Variants in RBM5 observed in about 807,000 individuals in gnomAD.
RBM5 encodes the protein RNA binding motif protein 5, also known as RNA-binding protein 5.
In RBM5, 15 loss-of-function variants were observed where a neutral mutation model predicts 124.6. The ratio of observed to expected loss-of-function variants is 0.12; its 90% CI spans 0.08 to 0.19. The LOEUF (loss-of-function observed/expected upper bound fraction) is 0.19, where lower values mean the gene tolerates loss of function less well. Among genes scored for constraint, RBM5 ranks in the 10% least tolerant of loss-of-function variants. The probability of loss-of-function intolerance (pLI) is 1.00; values close to 1 mark genes in which losing one functional copy is unlikely to be tolerated. For synonymous variants in RBM5, 337 were observed against 361.2 expected (o/e 0.93, Z 0.76); for missense variants, 580 against 1,026.5 (o/e 0.57, Z 5.94).
chr3:50,110,977 C>A (rs966444198), intron 17 of RBM5: 5 of 532,438 alleles, frequency 9.4e-6, no homozygotes, highest in African/African-American at 5.8e-5. Flanking sequence ...AATATACACA[C>A]AAAAAAATAC....
intron 8 of RBM5, chr3:50,104,845 G>T: frequency 2.3e-6 from 1 of 436,830 alleles, no homozygotes; most frequent in Non-Finnish European, 4.1e-6. Flanking sequence ...TTTGCATTCT[G>T]CATCTGCCTT....
rs1318977091 is a variant in RBM5, at chr3:50,100,632, T to G, written c.483+27T>G. The G allele has an allele frequency of 1.3e-6, 2 of 1,549,178 alleles. No individual in the cohort carries two copies. The highest frequency in any genetic ancestry group is 2.7e-5 in the African/African-American group (2 of 73,386). ...TTGCTTCACTCACCAAGTCTAGATA[T>G]TCATGAAAATGGAACAAGTCTGTAC... On this transcript the variant is annotated intron_variant, in intron 6 of 24. Coordinates refer to ENST00000347869, the MANE Select transcript of RBM5 (RefSeq NM_005778.4). The surrounding 1 kb of genome is among the most constrained non-coding windows in gnomAD (Gnocchi z 5.1).
At chr3:50,106,291 C>A (rs1204722170) in intron 10 of RBM5, among the ~76,000 whole-genome samples, 2 of 152,016 alleles carry the variant, frequency 1.3e-5, no homozygotes, top group East Asian at 3.9e-4. Context: ...CAGGCGCTCA[C>A]CACCATGCTC....
At chr3:50,113,612 A>G in intron 18 of RBM5, 68 bp downstream of exon 18, 3 of 1,463,902 alleles carry the variant, frequency 2.0e-6, no homozygotes. Flanking sequence ...GGGTTGTAGC[A>G]TTTATGTCAG....
chr3:50,090,236 G>C, intron 1 of RBM5, 146 bp from the exon 2 acceptor site: 1 of 554,780 alleles, frequency 1.8e-6, no homozygotes, highest in Non-Finnish European at 3.2e-6. Context: ...TTGACAGTTT[G>C]TCCCCACCAC....
At position 50,100,460 on chromosome 3, in the gene RBM5, G is replaced by C. The variant is rs2090917245; in HGVS notation, c.410-72G>C. ...TTGTCACGCAGTGTTGAAGCAGTGG[G>C]AGAGAGATTCACCTGTTATAAAGGA... On this transcript the variant is annotated intron_variant, in intron 5 of 24. Transcript: ENST00000347869. This position sits in a 1 kb window ranked among gnomAD's most constrained non-coding sequence, Gnocchi z 5.1. 1 of 1,296,138 alleles carries C rather than the reference G, an allele frequency of 7.7e-7. No individual in the cohort carries two copies. The highest frequency in any genetic ancestry group is 1.5e-5 in the African/African-American group (1 of 68,390). The allele number at this position is 1,296,138 out of a possible 1,614,324, so 80.3% of individuals were successfully genotyped here. A position where few individuals can be genotyped will look rare whatever the true frequency, so the allele number is the denominator to read the frequency against.
chr3:50,096,922 C>A (rs2090829648), intron 4 of RBM5, among the ~76,000 whole-genome samples: 1 of 152,022 alleles, frequency 6.6e-6, no homozygotes, highest in Non-Finnish European at 1.5e-5. Context: ...TAGATGGGCC[C>A]TTCAGGCGGA....
At chr3:50,107,234 C>T (rs2091049745) in intron 11 of RBM5, 1 of 601,658 alleles carries the variant, frequency 1.7e-6, no homozygotes, top group Non-Finnish European at 3.0e-6. Context: ...GTAAATTTCC[C>T]TTTTTTTAGT....
At chr3:50,090,148 C>A (rs971435678) in intron 1 of RBM5, 1 of 316,626 alleles carries the variant, frequency 3.2e-6, no homozygotes, top group Non-Finnish European at 6.1e-6. Flanking sequence ...TCTGTTAAAT[C>A]TGGAATCTAA....
intron 7 of RBM5, 77 bp from the exon 8 acceptor site, chr3:50,104,171 C>A: frequency 8.2e-7 from 1 of 1,215,122 alleles, no homozygotes. Flanking sequence ...GGGACCTACC[C>A]GTGGCCCCAC....
rs1185036203 is a variant in RBM5 at position 50,110,314 on chromosome 3, C to T, written c.1279-65C>T. 9 of 1,377,476 alleles carry T rather than the reference C, an allele frequency of 6.5e-6. No homozygotes were observed. The Middle Eastern group carries it at 8.9e-4, about 137-fold the overall frequency. The allele number at this position is 1,377,476 out of a possible 1,614,324, so 85.3% of individuals were successfully genotyped here. ...GGGAGCCCTTCCTCCTGGATGATTG[C>T]AGTGATTTAGCTCTCTTAAAAGGCT... On this transcript the variant is annotated intron_variant, in intron 15 of 24. Transcript: ENST00000347869.
Position 50,100,192 on chromosome 3 carries a change from T to A in RBM5, c.409+141T>A. On this transcript the variant is annotated intron_variant, in intron 5 of 24. Coordinates refer to ENST00000347869, the MANE Select transcript of RBM5 (RefSeq NM_005778.4). The surrounding 1 kb of genome is among the most constrained non-coding windows in gnomAD (Gnocchi z 5.1). ...TGCCATGGCTAAGGAATGTGACTCT[T>A]TGAAAACCATGTTAGCATCTGAGGA... 1.3e-6 allele frequency: 1 copy of A among 795,034 alleles called. No homozygotes were observed. Among genetic ancestry groups the A allele is most frequent in the Non-Finnish European group, 2.0e-6 (1 of 509,750 alleles). The allele number at this position is 795,034 out of a possible 1,614,324, so 49.2% of individuals were successfully genotyped here.
At chr3:50,098,506 G>A (rs570394711) in intron 4 of RBM5, among the ~76,000 whole-genome samples, 9 of 151,688 alleles carry the variant, frequency 5.9e-5, no homozygotes, top group East Asian at 2.0e-4. Flanking sequence ...GCAGTGGCGC[G>A]ATCTCGGCTC....
At chr3:50,109,948 C>T (rs944810637) in intron 15 of RBM5, 6 of 346,950 alleles carry the variant, frequency 1.7e-5, no homozygotes, top group Non-Finnish European at 2.6e-5. Flanking sequence ...TGTGGTGGCT[C>T]GCGCCTGTAA....
chr3:50,112,446 T>G (rs929206802), intron 17 of RBM5, among the ~76,000 whole-genome samples: 11 of 136,810 alleles, frequency 8.0e-5, no homozygotes, highest in Non-Finnish European at 1.7e-4. Context: ...AAAAAAAAAG[T>G]TGTGTCTGTT....
chr3:50,108,391 T>G, intron 14 of RBM5, 87 bp downstream of exon 14: 1 of 1,261,742 alleles, frequency 7.9e-7, no homozygotes, highest in South Asian at 1.2e-5. Flanking sequence ...GACCAAAAGC[T>G]ACAAGTCCAT....
intron 4 of RBM5, among the ~76,000 whole-genome samples, chr3:50,098,181 A>G (rs2090861163): frequency 6.6e-6 from 1 of 152,192 alleles, no homozygotes. Flanking sequence ...TAGGCCTCAA[A>G]GAGCAGGAAG....
In RBM5 at chr3:50,108,133, G is replaced by A. The variant is rs1307632630; in HGVS notation, c.1105G>A (p.Ala369Thr). The stretch of plus-strand genomic sequence containing the variant: ...TCTGCAACCAGGTCAAGATGGCTAT[G>A]CCCAATATGCTCAGGTAGGTAGATT... Reference protein sequence around the residue: ...SYLQPGQDGYAQYAQYSQDYQ... With the variant: ...SYLQPGQDGYTQYAQYSQDYQ... The change falls in exon 13 of 25, where the codon GCC becomes ACC. Residue 369 changes from alanine (A) to threonine (T), a missense_variant. Physicochemically the swap from Ala to Thr is moderately conservative, Grantham distance 58. Around this residue, in one of 6 missense-constraint regions of RBM5, gnomAD observed 104 missense variants for 128.7 expected, o/e 0.81. Transcript: ENST00000347869. 3.1e-6 allele frequency: 5 copies of A among 1,610,232 alleles called. No homozygotes were observed. The highest frequency in any genetic ancestry group is 1.7e-5 in the Admixed American group (1 of 59,994).
intron 3 of RBM5, chr3:50,092,797 C>T (rs2090727505): frequency 2.3e-6 from 1 of 440,662 alleles, no homozygotes; most frequent in African/African-American, 2.0e-5. Context: ...ACCTGTAATC[C>T]CAACAATTTG....
Sources: gnomAD v4.1 joint callset for allele counts (sites outside exome capture counted in the v4.1 genomes callset) on GRCh38, gnomAD v4.1.1 for gene constraint, gnomAD v4.1.1 regional missense constraint, Gnocchi (gnomAD v3.1) non-coding constraint, MANE v1.5 for transcripts, NCBI Gene and HGNC (gene_info 2026-07-23, HGNC 2026-07-21) for gene names.